PPIP5K2: variants seen among roughly 807,000 people sequenced by gnomAD.
PPIP5K2 encodes the protein inositol hexakisphosphate and diphosphoinositol-pentakisphosphate kinase 2.
Under a neutral mutation model 154.6 loss-of-function variants are expected in PPIP5K2, and 105 were observed. That is an observed-to-expected ratio of 0.68 (90% CI 0.58 to 0.80). PPIP5K2 has a LOEUF of 0.80. Ranked by LOEUF, PPIP5K2 falls within the 30% of genes least tolerant of loss-of-function variation. PPIP5K2 has a pLI of 0.00. For synonymous variants in PPIP5K2, 480 were observed against 490.3 expected (o/e 0.98, Z 0.28); for missense variants, 992 against 1,504.6 (o/e 0.66, Z 5.64).
At position 103,207,463 on chromosome 5, in the gene PPIP5K2, A is replaced by G. The variant is rs1428724547; in HGVS notation, c.*5829A>G. On this transcript the variant is annotated 3_prime_UTR_variant, in exon 31 of 31. Transcript: ENST00000358359. Reference sequence around the variant, plus strand: ...ATGGATAATGGATACATAATCAGCAATGTATGCTGTATACTACACTTGCAT... The same window carrying G: ...ATGGATAATGGATACATAATCAGCAGTGTATGCTGTATACTACACTTGCAT... The G allele has an allele frequency of 1.3e-5, 2 of 152,186 alleles. No individual in the cohort carries two copies. Among genetic ancestry groups the G allele is most frequent in the Non-Finnish European group, 2.9e-5 (2 of 68,026 alleles). The allele number at this position is 152,186 out of a possible 1,614,324, so 9.4% of individuals were successfully genotyped here. A position where few individuals can be genotyped will look rare whatever the true frequency, so the allele number is the denominator to read the frequency against.
intron 17 of PPIP5K2, among the ~76,000 whole-genome samples, chr5:103,161,614 A>C (rs563870109): frequency 6.6e-6 from 1 of 152,300 alleles, no homozygotes; most frequent in South Asian, 2.1e-4. Context: ...CATCCTCTCC[A>C]GCACCTGTTG....
At chr5:103,126,168 C>T (rs1483596676) in intron 1 of PPIP5K2, among the ~76,000 whole-genome samples, 1 of 152,082 alleles carries the variant, frequency 6.6e-6, no homozygotes, top group Non-Finnish European at 1.5e-5. Flanking sequence ...TTAAATGTCA[C>T]CTTATTAAAG....
At chr5:103,200,135 G>A (rs1554229779) in intron 30 of PPIP5K2, among the ~76,000 whole-genome samples, 1 of 152,124 alleles carries the variant, frequency 6.6e-6, no homozygotes, top group Admixed American at 6.5e-5. Context: ...TGTAAAATAT[G>A]GTGTTCCGTG....
intron 14 of PPIP5K2, among the ~76,000 whole-genome samples, chr5:103,156,882 A>G (rs1795497395): frequency 6.6e-6 from 1 of 152,186 alleles, no homozygotes; most frequent in Admixed American, 6.5e-5. Flanking sequence ...ATTAATGATT[A>G]TCTTAAATGC....
chr5:103,165,660 A>G (rs1334050750), intron 17 of PPIP5K2, among the ~76,000 whole-genome samples: 3 of 152,240 alleles, frequency 2.0e-5, no homozygotes, highest in Admixed American at 6.6e-5. Context: ...ACACTTTACA[A>G]AAAGTTTATA....
At chr5:103,191,316 G>GT (rs1445127321) in intron 29 of PPIP5K2, among the ~76,000 whole-genome samples, 2 of 151,964 alleles carry the variant, frequency 1.3e-5, no homozygotes, top group African/African-American at 4.8e-5. Context: ...TTATAGCAAA[G>GT]TTTTTTAAAA....
intron 26 of PPIP5K2, 88 bp downstream of exon 26, chr5:103,184,832 C>T: frequency 1.1e-6 from 1 of 931,612 alleles, no homozygotes; most frequent in East Asian, 2.5e-5. Context: ...AAAGCATGAC[C>T]AAATGCTATG....
At chr5:103,158,377 G>A in intron 15 of PPIP5K2, 64 bp downstream of exon 15, 1 of 1,594,658 alleles carries the variant, frequency 6.3e-7, no homozygotes, top group South Asian at 1.1e-5. Context: ...ATCCTCATTT[G>A]TGATGTTATT....
intron 3 of PPIP5K2, 112 bp from the exon 4 acceptor site, chr5:103,136,620 T>G: frequency 2.6e-6 from 2 of 772,030 alleles, no homozygotes; most frequent in South Asian, 3.0e-5. Context: ...TAGAAGGGTG[T>G]TATGTGTTAA....
intron 2 of PPIP5K2, among the ~76,000 whole-genome samples, chr5:103,131,854 G>A (rs781886327): frequency 3.9e-4 from 60 of 152,096 alleles, no homozygotes; most frequent in Non-Finnish European, 7.8e-4. Flanking sequence ...TGTGCCTTAA[G>A]AATGTAAGTT....
intron 1 of PPIP5K2, among the ~76,000 whole-genome samples, chr5:103,125,245 G>A (rs1185998958): frequency 6.6e-6 from 1 of 152,144 alleles, no homozygotes; most frequent in African/African-American, 2.4e-5. Flanking sequence ...GTGGAGTATA[G>A]CCTAGACGTT....
intron 17 of PPIP5K2, among the ~76,000 whole-genome samples, chr5:103,163,222 C>T (rs1271017215): frequency 6.7e-6 from 1 of 148,308 alleles, no homozygotes; most frequent in Admixed American, 6.9e-5. Flanking sequence ...TCTAGTCTTT[C>T]AATCTGTGAA....
chr5:103,192,373 A>G (rs1333760925), intron 29 of PPIP5K2, among the ~76,000 whole-genome samples: 1 of 152,128 alleles, frequency 6.6e-6, no homozygotes, highest in Non-Finnish European at 1.5e-5. Flanking sequence ...TAGAATGGAC[A>G]ATGCTGTTAC....
intron 19 of PPIP5K2, among the ~76,000 whole-genome samples, chr5:103,170,896 G>A (rs1171477947): frequency 6.6e-6 from 1 of 151,454 alleles, no homozygotes; most frequent in Non-Finnish European, 1.5e-5. Context: ...TTCAAGACTT[G>A]ACTCAGCCAA....
At chr5:103,191,021 G>T in intron 29 of PPIP5K2, 39 bp downstream of exon 29, 1 of 1,574,392 alleles carries the variant, frequency 6.4e-7, no homozygotes. Flanking sequence ...TTTAGTTGCT[G>T]GGCAACTACA....
intron 17 of PPIP5K2, among the ~76,000 whole-genome samples, chr5:103,161,631 G>C (rs1484251037): frequency 3.3e-5 from 5 of 152,132 alleles, no homozygotes; most frequent in Admixed American, 2.0e-4. Flanking sequence ...GTTGTTTCCT[G>C]ACTTTTTAAT....
chr5:103,169,882 A>G (rs1333370742), intron 19 of PPIP5K2, among the ~76,000 whole-genome samples: 1 of 151,596 alleles, frequency 6.6e-6, no homozygotes, highest in Non-Finnish European at 1.5e-5. Flanking sequence ...ACTTTAAGAT[A>G]TTTATGGCAG....
chr5:103,160,710 A>G (rs1796084994), intron 17 of PPIP5K2, among the ~76,000 whole-genome samples: 3 of 152,306 alleles, frequency 2.0e-5, no homozygotes, highest in East Asian at 3.9e-4. Flanking sequence ...CCTGCAGGCT[A>G]TAGTTTGTTG....
At position 103,209,945 on chromosome 5, in the gene PPIP5K2, C is replaced by T. The variant is rs1554232498; in HGVS notation, c.*8311C>T. ...AGATATGCTGATTTGTCCAACAATG[C>T]CTGTACTCAAAAGTCATGACAATAA... On this transcript the variant is annotated 3_prime_UTR_variant, in exon 31 of 31. Coordinates refer to ENST00000358359, the MANE Select transcript of PPIP5K2 (RefSeq NM_001276277.3). 1 of 151,994 alleles carries T rather than the reference C, an allele frequency of 6.6e-6. No homozygotes were observed. Among genetic ancestry groups the T allele is most frequent in the Non-Finnish European group, 1.5e-5 (1 of 67,984 alleles). The allele number at this position is 151,994 out of a possible 1,614,324, so 9.4% of individuals were successfully genotyped here.
Sources: allele counts gnomAD v4.1 joint callset (sites outside exome capture counted in the v4.1 genomes callset), GRCh38; gene constraint gnomAD v4.1.1; transcripts MANE v1.5; gene names NCBI Gene and HGNC (gene_info 2026-07-23, HGNC 2026-07-21).